The following L3MBTL4 variants were observed in gnomAD, a reference collection of about 807,000 sequenced individuals.
L3MBTL4 encodes lethal(3)malignant brain tumor-like protein 4.
Under a neutral mutation model 84.5 loss-of-function variants are expected in L3MBTL4, and 70 were observed. That is an observed-to-expected ratio of 0.83 (90% CI 0.68 to 1.01). L3MBTL4 has a LOEUF of 1.01. Ranked by LOEUF, L3MBTL4 falls within the 50% of genes least tolerant of loss-of-function variation. The pLI, the probability that L3MBTL4 is intolerant of heterozygous loss-of-function variation, is 0.00. For synonymous variants in L3MBTL4, 274 were observed against 259.8 expected (o/e 1.05, Z -0.52); for missense variants, 715 against 754.8 (o/e 0.95, Z 0.62).
rs73940517 is a variant in L3MBTL4 at position 5,956,396 on chromosome 18, A to G, written c.1678-9T>C. Reference sequence around the variant, plus strand: ...GCTTTGCCATCGATCTGCTGCAAATACATAAATAGACACAAATAAAAATGT... The same window carrying G: ...GCTTTGCCATCGATCTGCTGCAAATGCATAAATAGACACAAATAAAAATGT... On this transcript the variant is annotated splice_polypyrimidine_tract_variant and intron_variant, in intron 18 of 18. Transcript: ENST00000317931. 9.1e-3 allele frequency: 14,748 copies of G among 1,612,028 alleles called. 965 individuals carry two copies. In the African/African-American group the frequency reaches 0.15, roughly 17 times the overall value.
At chr18:6,306,474 C>CAG (rs2050590781) in intron 3 of L3MBTL4, among the ~76,000 whole-genome samples, 6 of 152,176 alleles carry the variant, frequency 3.9e-5, no homozygotes, top group African/African-American at 1.4e-4. Context: ...TGGCATCAGT[C>CAG]TTCTATGAGG....
chr18:6,025,542 C>A (rs2055461327), intron 16 of L3MBTL4, among the ~76,000 whole-genome samples: 1 of 152,160 alleles, frequency 6.6e-6, no homozygotes, highest in Non-Finnish European at 1.5e-5. Flanking sequence ...TCTTCCAGAC[C>A]TTTACTATGT....
chr18:6,023,551 A>C (rs968488205), intron 16 of L3MBTL4, among the ~76,000 whole-genome samples: 1 of 152,226 alleles, frequency 6.6e-6, no homozygotes. Context: ...AACATGCTAC[A>C]AGCATTTACC....
rs773978274 is a variant in L3MBTL4 at position 6,215,814 on chromosome 18, A to G, written c.806T>C (p.Phe269Ser). 2 of 1,603,120 alleles carry G rather than the reference A, an allele frequency of 1.2e-6. No homozygotes were observed. The highest frequency in any genetic ancestry group is 1.7e-6 in the Non-Finnish European group (2 of 1,174,948). Residue 269 changes from phenylalanine (F) to serine (S), a missense_variant, in exon 11 of 19, where the codon TTT becomes TCT. Transcript: ENST00000317931. Reference sequence around the variant, plus strand: ...AGCTTCCAGGTATTCTGTCCAGGAAAAATTTTCTGGATTGGGATAACCTGA... The same window carrying G: ...AGCTTCCAGGTATTCTGTCCAGGAAGAATTTTCTGGATTGGGATAACCTGA... The part of the protein sequence containing the change: ...APQGYPNPEN[F>S]SWTEYLEATQ...
At chr18:5,975,732 T>C (rs975848323) in intron 16 of L3MBTL4, among the ~76,000 whole-genome samples, 4 of 152,216 alleles carry the variant, frequency 2.6e-5, no homozygotes, top group African/African-American at 9.6e-5. Flanking sequence ...TTCACCATGA[T>C]GTGCAGGACA....
intron 16 of L3MBTL4, among the ~76,000 whole-genome samples, chr18:6,049,389 AATC>A (rs2056759275): frequency 6.6e-6 from 1 of 152,256 alleles, no homozygotes; most frequent in African/African-American, 2.4e-5. Context: ...AACTTAAACA[AATC>A]AACAAGCAAA....
At chr18:6,016,216 G>C (rs1473714363) in intron 16 of L3MBTL4, among the ~76,000 whole-genome samples, 1 of 152,256 alleles carries the variant, frequency 6.6e-6, no homozygotes, top group African/African-American at 2.4e-5. Flanking sequence ...ACTCTTCCGG[G>C]GGAGCAGCAG....
At chr18:6,005,400 T>C (rs2054429208) in intron 16 of L3MBTL4, among the ~76,000 whole-genome samples, 1 of 152,060 alleles carries the variant, frequency 6.6e-6, no homozygotes, top group Non-Finnish European at 1.5e-5. Flanking sequence ...GTAAATTGCA[T>C]GTCATGAGGG....
intron 4 of L3MBTL4, among the ~76,000 whole-genome samples, chr18:6,290,928 G>C: frequency 6.6e-6 from 1 of 152,124 alleles, no homozygotes; most frequent in East Asian, 1.9e-4. Context: ...AACAGGTACT[G>C]CTGTATTCTG....
chr18:5,956,332 A>C lies in L3MBTL4; in HGVS notation c.1733T>G (p.Met578Arg). 1.2e-6 allele frequency: 2 copies of C among 1,614,130 alleles called. No homozygotes were observed. The highest frequency in any genetic ancestry group is 8.5e-7 in the Non-Finnish European group (1 of 1,180,012). ...LLTQTDIVKV[M>R]KIKLGPALKI... is the part of the protein sequence containing the mutation. ...CAGTGCTGGGCCCAGTTTGATCTTC[A>C]TCACTTTGACAATGTCCGTCTGTGT... is the stretch of plus-strand genomic sequence containing the variant. Residue 578 changes from methionine to arginine, a missense_variant, in exon 19 of 19, where the codon ATG (methionine) becomes AGG (arginine). By Grantham distance (91) the Met-to-Arg change is moderately conservative. Transcript: ENST00000317931.
chr18:6,059,049 A>AC (rs2057119500), intron 16 of L3MBTL4, among the ~76,000 whole-genome samples: 1 of 152,184 alleles, frequency 6.6e-6, no homozygotes, highest in African/African-American at 2.4e-5. Flanking sequence ...CCCTCAGCTG[A>AC]CGGCAGGTGT....
chr18:6,385,056 G>GT (rs1439556032), intron 1 of L3MBTL4, among the ~76,000 whole-genome samples: 3 of 152,126 alleles, frequency 2.0e-5, no homozygotes, highest in Non-Finnish European at 2.9e-5. Flanking sequence ...AGAGAAGTTC[G>GT]TAAGTTCAAA....
intron 17 of L3MBTL4, among the ~76,000 whole-genome samples, chr18:5,966,520 C>T (rs773160989): frequency 3.3e-5 from 5 of 152,064 alleles, no homozygotes; most frequent in African/African-American, 7.2e-5. Flanking sequence ...GGGGCCCTGC[C>T]GACCCATCCT....
chr18:6,131,873 A>G (rs1182108281), intron 14 of L3MBTL4, among the ~76,000 whole-genome samples: 1 of 152,218 alleles, frequency 6.6e-6, no homozygotes, highest in Non-Finnish European at 1.5e-5. Context: ...TATAAGAAAA[A>G]TGCAGGGATT....
chr18:6,359,247 G>T (rs1183782800), intron 1 of L3MBTL4, among the ~76,000 whole-genome samples: 1 of 152,204 alleles, frequency 6.6e-6, no homozygotes, highest in African/African-American at 2.4e-5. Context: ...ATCAACTGAG[G>T]TCAGGAGTTC....
intron 15 of L3MBTL4, among the ~76,000 whole-genome samples, chr18:6,089,838 T>C (rs2058383349): frequency 6.6e-6 from 1 of 152,232 alleles, no homozygotes; most frequent in Non-Finnish European, 1.5e-5. Flanking sequence ...GCTAATGTAC[T>C]GTACTGAAAA....
chr18:5,990,575 T>G (rs1400326970), intron 16 of L3MBTL4, among the ~76,000 whole-genome samples: 3 of 152,200 alleles, frequency 2.0e-5, no homozygotes, highest in African/African-American at 7.2e-5. Context: ...ATGAAGAGAA[T>G]GAATGTGTTC....
chr18:6,373,931 T>G (rs1229940988), intron 1 of L3MBTL4, among the ~76,000 whole-genome samples: 1 of 152,160 alleles, frequency 6.6e-6, no homozygotes, highest in Non-Finnish European at 1.5e-5. Flanking sequence ...ATTATTGGGG[T>G]TTTTTTAAGG....
At chr18:6,332,255 A>G (rs1215198073) in intron 1 of L3MBTL4, among the ~76,000 whole-genome samples, 1 of 152,218 alleles carries the variant, frequency 6.6e-6, no homozygotes, top group Non-Finnish European at 1.5e-5. Context: ...AAGACTCACT[A>G]CTGAAGTTTT....
Sources: allele counts gnomAD v4.1 joint callset (sites outside exome capture counted in the v4.1 genomes callset), GRCh38; gene constraint gnomAD v4.1.1; transcripts MANE v1.5; gene names NCBI Gene and HGNC (gene_info 2026-07-23, HGNC 2026-07-21).